Variants in KCNT1 observed in about 807,000 individuals in gnomAD.
The protein encoded by KCNT1 is potassium channel subfamily T member 1.
KCNT1 carries 78 observed loss-of-function variants against 147.8 expected under a neutral mutation model. The ratio of observed to expected loss-of-function variants is 0.53; its 90% confidence interval spans 0.44 to 0.64. The LOEUF is 0.64. Among genes scored for constraint, KCNT1 ranks in the 30% least tolerant of loss-of-function variants. KCNT1 has a pLI of 0.00. For synonymous variants in KCNT1, 867 were observed against 748.8 expected, an observed-to-expected ratio of 1.16 and a Z score of -2.58; for missense variants, 1,419 against 1,750.3, an observed-to-expected ratio of 0.81 and a Z score of 3.38.
chr9:135,770,096 GGCC>G, intron 16 of KCNT1, 41 bp downstream of exon 16: 1 of 1,510,842 alleles, frequency 6.6e-7, no homozygotes, highest in African/African-American at 1.4e-5. Flanking sequence ...TCCATGGCGG[GGCC>G]GGCGCAGGGA....
intron 11 of KCNT1, among the ~76,000 whole-genome samples, chr9:135,763,521 G>A (rs1832054320): frequency 6.6e-6 from 1 of 152,118 alleles, no homozygotes; most frequent in Non-Finnish European, 1.5e-5. Flanking sequence ...GGAAGTGGAG[G>A]GGTTGGCAGG....
rs371694148 is a variant in KCNT1 at position 135,784,618 on chromosome 9, C to T, written c.3027C>T (p.Ala1009=). 6 of 1,611,460 alleles carry T rather than the reference C, an allele frequency of 3.7e-6. No homozygotes were observed. Among genetic ancestry groups the T allele is most frequent in the South Asian group, 3.3e-5 (3 of 90,990 alleles). The part of the protein sequence containing the change: ...DTTPGSGYLC[A]MKITEGDLWI... ...CGCCGGGCTCGGGGTACCTCTGTGCCGTAAGTGCCCCTGGCTGCGCTGGGC... is the reference window on the plus strand; with the variant it reads ...CGCCGGGCTCGGGGTACCTCTGTGCTGTAAGTGCCCCTGGCTGCGCTGGGC... Residue 1009 remains alanine, a splice_region_variant and synonymous_variant, in exon 26 of 31, where the codon GCC becomes GCT. Transcript: ENST00000371757.
chr9:135,791,760 TG>T (rs748458127), intron 29 of KCNT1, 36 bp from the exon 30 acceptor site: 77 of 1,584,576 alleles, frequency 4.9e-5, no homozygotes, highest in African/African-American at 4.0e-4. Flanking sequence ...GGGGCAGGGC[TG>T]GGGGGGTGAC....
chr9:135,783,913 A>G (rs558635096), intron 24 of KCNT1, 111 bp from the exon 25 acceptor site: 7 of 758,396 alleles, frequency 9.2e-6, no homozygotes, highest in Admixed American at 1.9e-5. Flanking sequence ...ATGTGCACAC[A>G]GGTATCATGC....
chr9:135,709,066 T>C (rs974474527), intron 1 of KCNT1, among the ~76,000 whole-genome samples: 12 of 152,182 alleles, frequency 7.9e-5, no homozygotes, highest in African/African-American at 2.7e-4. Context: ...CAAAGCACAA[T>C]GGGTGAGACG....
At position 135,714,718 on chromosome 9, in the gene KCNT1, C is replaced by A; in HGVS notation, c.252C>A (p.Asp84Glu). Residue 84 changes from aspartate to glutamate, a missense_variant and splice_region_variant, in exon 2 of 31, where the codon GAC becomes GAA. By Grantham distance (45) the Asp-to-Glu change is conservative. Coordinates refer to ENST00000371757, the MANE Select transcript of KCNT1 (RefSeq NM_020822.3). The surrounding 1 kb of genome is among the most constrained non-coding windows in gnomAD (Gnocchi z 6.2). ...GCGACCCGTCCTTCCAGAACGACGACAGGTAGGGACCGGGCGCGGGGTGGG... is the reference window on the plus strand; with the variant it reads ...GCGACCCGTCCTTCCAGAACGACGAAAGGTAGGGACCGGGCGCGGGGTGGG... ...LLGDPSFQND[D>E]RVQVEFYVNE... 2.1e-6 allele frequency: 3 copies of A among 1,408,704 alleles called. No homozygotes were observed. Among genetic ancestry groups the A allele is most frequent in the Non-Finnish European group, 2.8e-6 (3 of 1,067,054 alleles). The allele number at this position is 1,408,704 out of a possible 1,614,324, so 87.3% of individuals were successfully genotyped here.
Position 135,771,102 on chromosome 9 carries a change from C to T in KCNT1, c.2008+7C>T, listed in dbSNP as rs372707698. Reference sequence around the variant, plus strand: ...AGCATCATCGCCTCCATGGGTGAGCCGGGACAGGCGCGCGGGACTCCCTGG... The same window carrying T: ...AGCATCATCGCCTCCATGGGTGAGCTGGGACAGGCGCGCGGGACTCCCTGG... On this transcript the variant is annotated splice_region_variant and intron_variant, in intron 18 of 30. Coordinates refer to ENST00000371757, the MANE Select transcript of KCNT1 (RefSeq NM_020822.3). 100 of 1,605,872 alleles carry T rather than the reference C, an allele frequency of 6.2e-5. No individual in the cohort carries two copies. The African/African-American group carries it at 9.6e-4, about 15-fold the overall frequency.
At chr9:135,725,653 C>T (rs1323744938) in intron 2 of KCNT1, among the ~76,000 whole-genome samples, 2 of 152,010 alleles carry the variant, frequency 1.3e-5, no homozygotes, top group East Asian at 1.9e-4. Flanking sequence ...TGAGAGGGTG[C>T]AGGGGTCACT....
intron 6 of KCNT1, among the ~76,000 whole-genome samples, chr9:135,755,967 C>T (rs533908034): frequency 6.2e-5 from 9 of 145,104 alleles, no homozygotes; most frequent in African/African-American, 2.3e-4. Flanking sequence ...GCTCAGTGGG[C>T]ACTGAGGACA....
In KCNT1 at chr9:135,770,008, G is replaced by C; in HGVS notation, c.1572G>C (p.Pro524=). 1 of 1,557,076 alleles carries C rather than the reference G, an allele frequency of 6.4e-7. No homozygotes were observed. The highest frequency in any genetic ancestry group is 8.7e-7 in the Non-Finnish European group (1 of 1,150,674). The part of the protein sequence containing the change: ...YAMLALNCIC[P]ATSTLITLLV... ...TGCTGGCGCTGAACTGCATCTGCCC[G>C]GCGACCTCCACCCTCATCACCCTGC... Residue 524 remains proline (P), a synonymous_variant, in exon 16 of 31, where the codon CCG becomes CCC. Coordinates refer to ENST00000371757, the MANE Select transcript of KCNT1 (RefSeq NM_020822.3).
At chr9:135,753,812 G>A in intron 4 of KCNT1, 125 bp from the exon 5 acceptor site, 1 of 914,592 alleles carries the variant, frequency 1.1e-6, no homozygotes, top group Non-Finnish European at 1.8e-6. Context: ...CTGATGTGGG[G>A]GTTAGCCCCG....
chr9:135,735,943 G>C (rs1425129560), intron 2 of KCNT1, among the ~76,000 whole-genome samples: 6 of 152,244 alleles, frequency 3.9e-5, no homozygotes, highest in African/African-American at 1.4e-4. Context: ...GAAGGGAACG[G>C]TTACAAAAGC....
At chr9:135,779,617 C>A in intron 24 of KCNT1, 147 bp downstream of exon 24, 1 of 647,264 alleles carries the variant, frequency 1.5e-6, no homozygotes, top group Non-Finnish European at 2.7e-6. Flanking sequence ...GCGTGGGGGG[C>A]CCAGCATGGA....
intron 11 of KCNT1, among the ~76,000 whole-genome samples, 169 bp from the exon 12 acceptor site, chr9:135,764,862 G>A (rs1407097040): frequency 2.0e-5 from 3 of 152,144 alleles, no homozygotes; most frequent in African/African-American, 4.8e-5. Context: ...GAGGCTATCA[G>A]CATCTACAGT....
Position 135,702,362 on chromosome 9 carries a change from C to T in KCNT1, c.104C>T (p.Ala35Val), listed in dbSNP as rs772080195. Residue 35 changes from alanine to valine, a missense_variant, in exon 1 of 31, where the codon GCC (alanine) becomes GTC (valine). Coordinates refer to ENST00000371757, the MANE Select transcript of KCNT1 (RefSeq NM_020822.3). ...TTCGAGTTTGACGACGGCCAATGCG[C>T]CCCCAGGTACAGTCTGCTGCGCCCT... ...RTFEFDDGQCAPRRPCAGDGA... is the reference protein window; with the variant it reads ...RTFEFDDGQCVPRRPCAGDGA... The T allele has an allele frequency of 6.5e-5, 105 of 1,609,770 alleles. No individual in the cohort carries two copies. Among genetic ancestry groups the T allele is most frequent in the Non-Finnish European group, 8.7e-5 (102 of 1,177,862 alleles).
At chr9:135,722,336 C>T (rs1835958892) in intron 2 of KCNT1, among the ~76,000 whole-genome samples, 1 of 152,250 alleles carries the variant, frequency 6.6e-6, no homozygotes, top group Non-Finnish European at 1.5e-5. Flanking sequence ...TCACCAAGCC[C>T]ATGTCCCAGG....
At chr9:135,704,106 G>A (rs551493222) in intron 1 of KCNT1, among the ~76,000 whole-genome samples, 4 of 152,358 alleles carry the variant, frequency 2.6e-5, no homozygotes, top group South Asian at 2.1e-4. Flanking sequence ...AAGAACCTTC[G>A]TGCTGCCTGG....
intron 2 of KCNT1, among the ~76,000 whole-genome samples, chr9:135,747,278 G>A (rs1033938606): frequency 6.6e-6 from 1 of 151,992 alleles, no homozygotes; most frequent in Non-Finnish European, 1.5e-5. Flanking sequence ...GAGGCAGTAG[G>A]AGCAAGTGAG....
chr9:135,775,621 T>C (rs976200256), intron 20 of KCNT1, among the ~76,000 whole-genome samples: 4 of 152,262 alleles, frequency 2.6e-5, no homozygotes, highest in Non-Finnish European at 5.9e-5. Context: ...GGGCTCTCCC[T>C]CTCACAGTGT....
Sources: allele counts gnomAD v4.1 joint callset (sites outside exome capture counted in the v4.1 genomes callset), GRCh38; gene constraint gnomAD v4.1.1; non-coding constraint Gnocchi (gnomAD v3.1); transcripts MANE v1.5; gene names NCBI Gene and HGNC (gene_info 2026-07-23, HGNC 2026-07-21).